Variants in MSRA observed in about 807,000 individuals in gnomAD.
The protein encoded by MSRA is methionine sulfoxide reductase A, also known as mitochondrial peptide methionine sulfoxide reductase.
In MSRA, 54 loss-of-function variants were observed where a neutral mutation model predicts 31.3. That is an observed-to-expected ratio of 1.73 (90% confidence interval 1.39 to 2.17). The LOEUF is 2.17. Ranked by LOEUF, MSRA falls within the 30% of genes most tolerant of loss-of-function variation. The pLI is 0.00. For missense variants in MSRA, 507 were observed against 300.9 expected, an observed-to-expected ratio of 1.69 and a Z score of -5.07; for synonymous variants, 169 against 116.5, an observed-to-expected ratio of 1.45 and a Z score of -2.90.
chr8:10,170,567 T>TA (rs902688618), intron 1 of MSRA, among the ~76,000 whole-genome samples: 13 of 151,970 alleles, frequency 8.6e-5, no homozygotes, highest in South Asian at 2.1e-4. Context: ...AAAATGTTTT[T>TA]AAAAAAAACA....
intron 2 of MSRA, among the ~76,000 whole-genome samples, chr8:10,209,569 G>A (rs553637875): frequency 6.6e-6 from 1 of 152,020 alleles, no homozygotes; most frequent in South Asian, 2.1e-4. Flanking sequence ...TGCAGTGGGG[G>A]GTTGCAGTGG....
At chr8:10,416,608 C>T (rs1404629656) in intron 5 of MSRA, among the ~76,000 whole-genome samples, 1 of 152,228 alleles carries the variant, frequency 6.6e-6, no homozygotes, top group Non-Finnish European at 1.5e-5. Context: ...TCACAGCTTA[C>T]TGGCCAAAGC....
intron 1 of MSRA, among the ~76,000 whole-genome samples, chr8:10,128,544 A>C (rs1398634497): frequency 6.6e-6 from 1 of 152,172 alleles, no homozygotes; most frequent in Non-Finnish European, 1.5e-5. Context: ...CTGGGGCATC[A>C]CAGCTGAGGC....
intron 1 of MSRA, among the ~76,000 whole-genome samples, chr8:10,085,242 G>C (rs185602536): frequency 6.6e-6 from 1 of 152,104 alleles, no homozygotes; most frequent in East Asian, 1.9e-4. Context: ...CTTTGGGTTT[G>C]TTCTTGAGAA....
intron 1 of MSRA, among the ~76,000 whole-genome samples, chr8:10,126,862 G>A (rs1426038195): frequency 1.3e-5 from 2 of 152,210 alleles, no homozygotes; most frequent in Admixed American, 1.3e-4. Context: ...TGCACATGCA[G>A]TTCACAATAG....
chr8:10,421,002 A>G (rs149190190), intron 5 of MSRA, among the ~76,000 whole-genome samples: 1 of 152,060 alleles, frequency 6.6e-6, no homozygotes, highest in Non-Finnish European at 1.5e-5. Flanking sequence ...GTCTCCAAAA[A>G]CAAACCACCA....
At position 10,189,347 on chromosome 8, in the gene MSRA, G is replaced by A. The variant is rs562391063; in HGVS notation, c.143-18486G>A. Among the ~76,000 whole-genome samples the A allele has an allele frequency of 2.0e-5, 3 of 151,070 alleles. No individual in the cohort carries two copies. In the East Asian group the frequency reaches 5.8e-4, roughly 29 times the overall value. ...TGTACGATTTTTATTTCTTTTTCTT[G>A]CCTTTTTTGAACTGACTAGGACCTC... On this transcript the variant is annotated intron_variant, in intron 1 of 5. Coordinates refer to ENST00000317173, the MANE Select transcript of MSRA (RefSeq NM_012331.5).
intron 5 of MSRA, among the ~76,000 whole-genome samples, chr8:10,323,154 G>A (rs971713061): frequency 6.6e-6 from 1 of 150,630 alleles, no homozygotes; most frequent in Non-Finnish European, 1.5e-5. Flanking sequence ...TCCTCCACTT[G>A]AGCGGTGGGA....
At chr8:10,393,061 CAA>C (rs768294679) in intron 5 of MSRA, among the ~76,000 whole-genome samples, 2 of 77,706 alleles carry the variant, frequency 2.6e-5, no homozygotes, top group African/African-American at 5.6e-5. Context: ...GACTCCGTCT[CAA>C]AAAAAAAAAA....
intron 1 of MSRA, among the ~76,000 whole-genome samples, chr8:10,156,177 T>C (rs1804138594): frequency 6.6e-6 from 1 of 152,160 alleles, no homozygotes; most frequent in Admixed American, 6.5e-5. Context: ...TAACAGCCAA[T>C]TGCAGTGAAT....
At chr8:10,159,191 A>T (rs1804427195) in intron 1 of MSRA, among the ~76,000 whole-genome samples, 1 of 152,166 alleles carries the variant, frequency 6.6e-6, no homozygotes, top group Admixed American at 6.5e-5. Flanking sequence ...AGAATTTGTG[A>T]TTGGTCAGAT....
chr8:10,155,715 T>C (rs894917794), intron 1 of MSRA, among the ~76,000 whole-genome samples: 3 of 152,044 alleles, frequency 2.0e-5, no homozygotes, highest in African/African-American at 4.8e-5. Flanking sequence ...GGTTGGAACA[T>C]CAATAAAGAA....
chr8:10,329,855 T>C (rs887872181), intron 5 of MSRA, among the ~76,000 whole-genome samples: 2 of 151,694 alleles, frequency 1.3e-5, no homozygotes, highest in Admixed American at 6.6e-5. Context: ...AGGTGAAAAT[T>C]TGCAAAAGTT....
intron 1 of MSRA, among the ~76,000 whole-genome samples, chr8:10,109,783 C>T (rs1277121535): frequency 2.0e-5 from 3 of 152,188 alleles, no homozygotes; most frequent in Non-Finnish European, 2.9e-5. Context: ...TCATTCATTT[C>T]ATGATGGTTG....
intron 1 of MSRA, among the ~76,000 whole-genome samples, chr8:10,076,688 G>T (rs995875466): frequency 6.6e-6 from 1 of 152,134 alleles, no homozygotes; most frequent in Non-Finnish European, 1.5e-5. Context: ...AGGCTGGGAG[G>T]TTCCCTTACC....
At chr8:10,307,283 C>G (rs997786459) in intron 4 of MSRA, among the ~76,000 whole-genome samples, 1 of 151,960 alleles carries the variant, frequency 6.6e-6, no homozygotes, top group African/African-American at 2.4e-5. Context: ...CCTCCCACCT[C>G]AGCCTCCTGA....
intron 2 of MSRA, among the ~76,000 whole-genome samples, chr8:10,240,097 C>T (rs760914405): frequency 2.0e-5 from 3 of 152,164 alleles, no homozygotes; most frequent in Non-Finnish European, 2.9e-5. Context: ...CAGAAGTTGG[C>T]CAAGACCCTG....
chr8:10,091,673 C>G (rs1329026389), intron 1 of MSRA, among the ~76,000 whole-genome samples: 3 of 149,058 alleles, frequency 2.0e-5, no homozygotes, highest in Admixed American at 6.7e-5. Flanking sequence ...ATGGTGCGAT[C>G]TTGGCTCATT....
At chr8:10,323,246 T>G (rs1353784186) in intron 5 of MSRA, among the ~76,000 whole-genome samples, 1 of 152,136 alleles carries the variant, frequency 6.6e-6, no homozygotes, top group Admixed American at 6.5e-5. Flanking sequence ...AGTGGTTCAA[T>G]TGTTTCATCC....
Sources: gnomAD v4.1 joint callset for allele counts (sites outside exome capture counted in the v4.1 genomes callset) on GRCh38, gnomAD v4.1.1 for gene constraint, MANE v1.5 for transcripts, NCBI Gene and HGNC (gene_info 2026-07-23, HGNC 2026-07-21) for gene names.